CSTF3: variants seen among roughly 807,000 people sequenced by gnomAD.
CSTF3 encodes CF-1 77 kDa subunit.
In CSTF3, 29 loss-of-function variants were observed where a neutral mutation model predicts 105.8. The ratio of observed to expected loss-of-function variants is 0.27; its 90% CI spans 0.20 to 0.37. The LOEUF is 0.37. CSTF3 is among the 10% of genes least tolerant of loss of function. The pLI, the probability that CSTF3 is intolerant of heterozygous loss-of-function variation, is 1.00. For synonymous variants in CSTF3, 252 were observed against 281.9 expected (o/e 0.89, Z 1.06); for missense variants, 357 against 879.3 (o/e 0.41, Z 7.51).
At chr11:33,159,480 C>T (rs1458498772) in intron 1 of CSTF3, among the ~76,000 whole-genome samples, 1 of 151,104 alleles carries the variant, frequency 6.6e-6, no homozygotes, top group Non-Finnish European at 1.5e-5. Flanking sequence ...GCCTGTAATC[C>T]CAGCTACTGG....
At chr11:33,109,689 G>C (rs1050066750) in intron 3 of CSTF3, among the ~76,000 whole-genome samples, 2 of 152,194 alleles carry the variant, frequency 1.3e-5, no homozygotes, top group Non-Finnish European at 2.9e-5. Context: ...TGAGCACTGA[G>C]TAATTATCAT....
At chr11:33,113,656 T>C (rs1855402624) in intron 3 of CSTF3, among the ~76,000 whole-genome samples, 1 of 152,070 alleles carries the variant, frequency 6.6e-6, no homozygotes, top group Admixed American at 6.5e-5. Context: ...TGAGAAAAAA[T>C]AATAAATTTT....
chr11:33,115,490 C>A (rs1012812700), intron 3 of CSTF3, among the ~76,000 whole-genome samples: 8 of 152,234 alleles, frequency 5.3e-5, no homozygotes, highest in Admixed American at 5.2e-4. Flanking sequence ...TTCTTCTTTC[C>A]ACCACCCACT....
chr11:33,098,778 G>C lies in CSTF3; in HGVS notation c.1054-14C>G. 6.7e-6 allele frequency: 10 copies of C among 1,486,760 alleles called. No individual in the cohort carries two copies. The allele number at this position is 1,486,760 out of a possible 1,614,324, so 92.1% of individuals were successfully genotyped here. ...CTTCATGCGACTCTAAGGTGGTACA[G>C]AAGAAGTGAGTATCAACATATGGTC... On this transcript the variant is annotated splice_polypyrimidine_tract_variant and intron_variant, in intron 12 of 20. Transcript: ENST00000323959.
chr11:33,105,809 T>G (rs1855320519), intron 7 of CSTF3, 74 bp downstream of exon 7: 1 of 1,516,628 alleles, frequency 6.6e-7, no homozygotes, highest in Non-Finnish European at 9.0e-7. Flanking sequence ...AGTATGGAGA[T>G]TTCTCAAAGA....
At chr11:33,131,085 G>T (rs904356897) in intron 3 of CSTF3, among the ~76,000 whole-genome samples, 1 of 152,140 alleles carries the variant, frequency 6.6e-6, no homozygotes, top group Admixed American at 6.5e-5. Flanking sequence ...AAATTACAAA[G>T]ATTTGCCCCT....
intron 3 of CSTF3, among the ~76,000 whole-genome samples, chr11:33,135,206 A>G (rs897334563): frequency 2.0e-5 from 3 of 152,168 alleles, no homozygotes; most frequent in Non-Finnish European, 4.4e-5. Flanking sequence ...TTACAGTTAA[A>G]ACAGCGTAAC....
intron 10 of CSTF3, among the ~76,000 whole-genome samples, chr11:33,101,957 A>G (rs1354715851): frequency 6.6e-6 from 1 of 152,170 alleles, no homozygotes; most frequent in Admixed American, 6.5e-5. Context: ...ATTGAAAAAT[A>G]TAGTATCTGA....
At chr11:33,087,238 C>G (rs1245770227) in intron 17 of CSTF3, 97 bp from the exon 18 acceptor site, 4 of 1,260,144 alleles carry the variant, frequency 3.2e-6, no homozygotes, top group Middle Eastern at 2.2e-4. Context: ...ATATCTGGGT[C>G]AAAACCACAG....
intron 3 of CSTF3, among the ~76,000 whole-genome samples, chr11:33,112,248 C>G (rs1855386785): frequency 6.7e-6 from 1 of 149,812 alleles, no homozygotes; most frequent in Admixed American, 6.6e-5. Flanking sequence ...GAGCGAAACT[C>G]TGTGTGGAAA....
chr11:33,111,094 G>A (rs1855374919), intron 3 of CSTF3, among the ~76,000 whole-genome samples: 1 of 152,142 alleles, frequency 6.6e-6, no homozygotes, highest in Admixed American at 6.5e-5. Context: ...GCTGGACATA[G>A]TGGCCGGCGC....
At chr11:33,134,721 A>G (rs780833434) in intron 3 of CSTF3, among the ~76,000 whole-genome samples, 30 of 152,220 alleles carry the variant, frequency 2.0e-4, no homozygotes, top group Non-Finnish European at 3.1e-4. Context: ...AAAAGCCATT[A>G]AGGAAGCATT....
chr11:33,121,644 T>G (rs552691450), intron 3 of CSTF3, among the ~76,000 whole-genome samples: 13 of 152,274 alleles, frequency 8.5e-5, no homozygotes, highest in Admixed American at 3.9e-4. Context: ...ATATTGATAT[T>G]CCTGCTCTAA....
At chr11:33,098,280 C>T (rs1299217252) in intron 13 of CSTF3, among the ~76,000 whole-genome samples, 2 of 152,080 alleles carry the variant, frequency 1.3e-5, no homozygotes, top group African/African-American at 2.4e-5. Flanking sequence ...CCCAGGATGT[C>T]GGTTTCTCCC....
intron 1 of CSTF3, chr11:33,144,853 C>T (rs1246294468): frequency 3.8e-5 from 9 of 234,224 alleles, no homozygotes; most frequent in South Asian, 3.3e-4. Context: ...GTGCCACACA[C>T]CTGTAGTCTC....
chr11:33,099,399 T>C lies in CSTF3; in HGVS notation c.936+209A>G, dbSNP rs1855257255. On this transcript the variant is annotated intron_variant, in intron 11 of 20. Transcript: ENST00000323959. The surrounding 1 kb of genome is among the most constrained non-coding windows in gnomAD (Gnocchi z 4.1). ...ATAACCATGCAAGTACTCTAAATGA[T>C]TCATTACTTTGATACGTTAAAAAAC... Among the ~76,000 whole-genome samples the C allele has an allele frequency of 6.6e-6, 1 of 152,234 alleles. No individual in the cohort carries two copies. The highest frequency in any genetic ancestry group is 6.5e-5 in the Admixed American group (1 of 15,282).
At chr11:33,128,443 TATA>T (rs1855566959) in intron 3 of CSTF3, among the ~76,000 whole-genome samples, 1 of 152,144 alleles carries the variant, frequency 6.6e-6, no homozygotes, top group Non-Finnish European at 1.5e-5. Context: ...TCATTTAACT[TATA>T]AATTTATGTA....
chr11:33,128,065 G>A (rs1056257665), intron 3 of CSTF3, among the ~76,000 whole-genome samples: 7 of 152,130 alleles, frequency 4.6e-5, no homozygotes, highest in Non-Finnish European at 8.8e-5. Context: ...CATTGGATAA[G>A]CTAGACGCTG....
intron 3 of CSTF3, among the ~76,000 whole-genome samples, chr11:33,122,236 C>G (rs2063505260): frequency 6.6e-6 from 1 of 152,146 alleles, no homozygotes; most frequent in African/African-American, 2.4e-5. Context: ...GAAATGTTTA[C>G]TGTTAATAGA....
Sources: gnomAD v4.1 joint callset for allele counts (sites outside exome capture counted in the v4.1 genomes callset) on GRCh38, gnomAD v4.1.1 for gene constraint, Gnocchi (gnomAD v3.1) non-coding constraint, MANE v1.5 for transcripts, NCBI Gene and HGNC (gene_info 2026-07-23, HGNC 2026-07-21) for gene names.